CDH12: variants seen among roughly 807,000 people sequenced by gnomAD.
CDH12 encodes the protein cadherin 12, also known as cadherin-12.
A neutral mutation model predicts 74.1 loss-of-function variants in CDH12; 41 were observed. That is an observed-to-expected ratio of 0.55 (90% CI 0.43 to 0.72). The LOEUF is 0.72. Ranked by LOEUF, CDH12 falls within the 30% of genes least tolerant of loss-of-function variation. The pLI, the probability that CDH12 is intolerant of heterozygous loss-of-function variation, is 0.00. For synonymous variants in CDH12, 399 were observed against 355.0 expected, an observed-to-expected ratio of 1.12 and a Z score of -1.39; for missense variants, 945 against 977.2, an observed-to-expected ratio of 0.97 and a Z score of 0.44.
At chr5:22,114,341 T>G (rs2150264538) in intron 4 of CDH12, among the ~76,000 whole-genome samples, 1 of 152,306 alleles carries the variant, frequency 6.6e-6, no homozygotes, top group East Asian at 1.9e-4. Context: ...ATGATCATTT[T>G]CTAATGATAT....
chr5:22,415,887 A>T (rs1167113800), intron 2 of CDH12, among the ~76,000 whole-genome samples: 1 of 151,986 alleles, frequency 6.6e-6, no homozygotes, highest in Non-Finnish European at 1.5e-5. Context: ...CAAAGACTTG[A>T]TACTATCCCA....
intron 1 of CDH12, among the ~76,000 whole-genome samples, chr5:22,715,208 T>A (rs1034957086): frequency 2.6e-5 from 4 of 152,178 alleles, no homozygotes; most frequent in African/African-American, 9.7e-5. Context: ...AATCTGAGAA[T>A]CATGTTAATT....
chr5:21,834,852 A>C lies in CDH12; in HGVS notation c.814+7309T>G, dbSNP rs1433652922. ...CTCAATTATTTGAATAAGCTGAAGT[A>C]GTTATCCTCATTTAATAGTTGTAGA... On this transcript the variant is annotated intron_variant, in intron 8 of 14. Transcript: ENST00000382254. Among the ~76,000 whole-genome samples the C allele has an allele frequency of 2.6e-5, 4 of 152,008 alleles. No homozygotes were observed. The East Asian group carries it at 7.7e-4, about 29-fold the overall frequency.
At chr5:22,258,097 T>G (rs1239262876) in intron 3 of CDH12, among the ~76,000 whole-genome samples, 2 of 151,926 alleles carry the variant, frequency 1.3e-5, no homozygotes. Context: ...GGACGTAAAG[T>G]TTTTTTTGCT....
chr5:22,121,238 G>T lies in CDH12; in HGVS notation c.-186-42376C>A, dbSNP rs1478923860. Among the ~76,000 whole-genome samples the T allele has an allele frequency of 3.3e-5, 5 of 152,282 alleles. No individual in the cohort carries two copies. In the South Asian group the frequency reaches 1.0e-3, roughly 32 times the overall value. ...CATTTGTTTCAGATTCTCATTTCAAGGATGTTTGCCTAGTAAATGGCCTTG... is the reference window on the plus strand; with the variant it reads ...CATTTGTTTCAGATTCTCATTTCAATGATGTTTGCCTAGTAAATGGCCTTG... On this transcript the variant is annotated intron_variant, in intron 4 of 14. Coordinates refer to ENST00000382254, the MANE Select transcript of CDH12 (RefSeq NM_004061.5).
chr5:22,089,723 A>T (rs1743300710), intron 4 of CDH12, among the ~76,000 whole-genome samples: 1 of 152,130 alleles, frequency 6.6e-6, no homozygotes, highest in Non-Finnish European at 1.5e-5. Flanking sequence ...CAGAAAAAAA[A>T]TTTCGGTACA....
intron 2 of CDH12, among the ~76,000 whole-genome samples, chr5:22,502,326 C>T (rs763275440): frequency 5.3e-5 from 8 of 151,972 alleles, no homozygotes; most frequent in Admixed American, 5.2e-4. Flanking sequence ...GTAAGATGTG[C>T]CTTTGCTCCT....
chr5:22,253,720 TCTC>T (rs1330006877), intron 3 of CDH12, among the ~76,000 whole-genome samples: 1 of 151,632 alleles, frequency 6.6e-6, no homozygotes, highest in Non-Finnish European at 1.5e-5. Flanking sequence ...CTCCTCCACC[TCTC>T]CTCCTCCTCT....
chr5:22,400,306 T>A (rs1261393), intron 3 of CDH12, among the ~76,000 whole-genome samples: 11,738 of 152,236 alleles, frequency 0.077, 505 homozygotes, highest in South Asian at 0.17. Flanking sequence ...GACTTACATC[T>A]TGATCTGATA....
At chr5:22,479,275 A>G (rs1746292768) in intron 2 of CDH12, among the ~76,000 whole-genome samples, 1 of 152,242 alleles carries the variant, frequency 6.6e-6, no homozygotes, top group South Asian at 2.1e-4. Context: ...TTTTGGTAAC[A>G]GTTCCTAGTG....
intron 1 of CDH12, among the ~76,000 whole-genome samples, chr5:22,717,483 C>T (rs1413989617): frequency 6.6e-6 from 1 of 152,096 alleles, no homozygotes; most frequent in Non-Finnish European, 1.5e-5. Context: ...CCTAAGGACA[C>T]GTTTCTCAGA....
chr5:22,518,815 T>G (rs1736918308), intron 1 of CDH12, among the ~76,000 whole-genome samples: 2 of 152,168 alleles, frequency 1.3e-5, no homozygotes, highest in African/African-American at 4.8e-5. Context: ...AACTAAGCTG[T>G]GGGTAGTGTG....
At chr5:21,860,059 G>A (rs2150006759) in intron 6 of CDH12, among the ~76,000 whole-genome samples, 1 of 152,018 alleles carries the variant, frequency 6.6e-6, no homozygotes, top group Non-Finnish European at 1.5e-5. Context: ...GAAGAAAAAG[G>A]GAATACAGAA....
intron 1 of CDH12, among the ~76,000 whole-genome samples, chr5:22,668,427 G>C (rs527443999): frequency 6.6e-6 from 1 of 152,140 alleles, no homozygotes; most frequent in African/African-American, 2.4e-5. Context: ...GCTTATAATA[G>C]AATACCTGAA....
intron 1 of CDH12, among the ~76,000 whole-genome samples, chr5:22,698,731 ATATAGT>A (rs1742548326): frequency 5.8e-4 from 4 of 6,878 alleles, no homozygotes; most frequent in Non-Finnish European, 7.8e-4. Context: ...ATATATATAT[ATATAGT>A]GTGTGTGTGT....
At chr5:21,963,801 G>A (rs1346632663) in intron 6 of CDH12, among the ~76,000 whole-genome samples, 1 of 152,038 alleles carries the variant, frequency 6.6e-6, no homozygotes, top group Non-Finnish European at 1.5e-5. Flanking sequence ...AAATGTATTT[G>A]TTTGGTCCAT....
In CDH12 at chr5:22,101,543, C is replaced by A. The variant is rs139706548; in HGVS notation, c.-186-22681G>T. Among the ~76,000 whole-genome samples, 86 of 152,130 alleles carry A rather than the reference C, an allele frequency of 5.7e-4. 1 individual carries two copies. Among genetic ancestry groups the A allele is most frequent in the African/African-American group, 2.0e-3 (81 of 41,516 alleles). The stretch of plus-strand genomic sequence containing the variant: ...TATTGCTTCCAGAGTTCCTGTGGAC[C>A]ATAGCCAGTTTTATCTTAGGCTTCA... On this transcript the variant is annotated intron_variant, in intron 4 of 14. Coordinates refer to ENST00000382254, the MANE Select transcript of CDH12 (RefSeq NM_004061.5).
intron 3 of CDH12, among the ~76,000 whole-genome samples, chr5:22,268,469 T>C (rs948439947): frequency 2.6e-5 from 4 of 152,058 alleles, no homozygotes; most frequent in African/African-American, 9.7e-5. Flanking sequence ...AATTGTATCT[T>C]TATAGTCAGA....
Position 22,153,848 on chromosome 5 carries a change from A to ATGTG in CDH12, c.-187+58646_-187+58649dup, listed in dbSNP as rs202179631. Among the ~76,000 whole-genome samples the ATGTG allele has an allele frequency of 1.6e-3, 215 of 130,884 alleles. 1 individual carries two copies. Among genetic ancestry groups the ATGTG allele is most frequent in the African/African-American group, 5.7e-3 (192 of 33,718 alleles). 85.9% of individuals were successfully genotyped at this position (130,884 alleles called of 152,430 possible). A position where few individuals can be genotyped will look rare whatever the true frequency, so the allele number is the denominator to read the frequency against. On this transcript the variant is annotated intron_variant, in intron 4 of 14. Coordinates refer to ENST00000382254, the MANE Select transcript of CDH12 (RefSeq NM_004061.5). ...AAGAAAAGGTTATATATATACATATATGTGTGTGTGTATATATATATATGT... is the reference window on the plus strand; with the variant it reads ...AAGAAAAGGTTATATATATACATATATGTGTGTGTGTGTGTATATATATATATGT...
Sources: allele counts gnomAD v4.1 joint callset (sites outside exome capture counted in the v4.1 genomes callset), GRCh38; gene constraint gnomAD v4.1.1; transcripts MANE v1.5; gene names NCBI Gene and HGNC (gene_info 2026-07-23, HGNC 2026-07-21).